LPA: variants seen among roughly 807,000 people sequenced by gnomAD.
The protein encoded by LPA is apolipoprotein(a).
LPA carries 199 observed loss-of-function variants against 197.9 expected under a neutral mutation model. The observed-to-expected ratio is 1.01, with a 90% CI of 0.90 to 1.13. LPA has a LOEUF of 1.13. LPA is among the 50% of genes most tolerant of loss of function. The pLI, the probability that LPA is intolerant of heterozygous loss-of-function variation, is 0.00. For missense variants in LPA, 1,853 were observed against 1,785.8 expected (o/e 1.04, Z -0.68); for synonymous variants, 715 against 639.5 (o/e 1.12, Z -1.78).
chr6:160,540,262 TCCCTCTGACA>T, intron 35 of LPA, 79 bp from the exon 36 acceptor site: 1 of 1,553,090 alleles, frequency 6.4e-7, no homozygotes, highest in Non-Finnish European at 8.9e-7. Context: ...CTTGGCGCTG[TCCCTCTGACA>T]CCCTCGGCCA....
At chr6:160,569,407 G>T (rs1342754726) in intron 28 of LPA, among the ~76,000 whole-genome samples, 1 of 151,966 alleles carries the variant, frequency 6.6e-6, no homozygotes, top group African/African-American at 2.4e-5. Flanking sequence ...AATACATGGT[G>T]CTGGGAAAAC....
rs544287476 is a variant in LPA, at chr6:160,647,179, A to G, written c.210-784T>C. 2.0e-5 allele frequency among the ~76,000 whole-genome samples: 3 copies of G among 152,320 alleles called. No individual in the cohort carries two copies. The East Asian group carries it at 5.8e-4, about 29-fold the overall frequency. On this transcript the variant is annotated intron_variant, in intron 2 of 38. Coordinates refer to ENST00000316300, the MANE Select transcript of LPA (RefSeq NM_005577.4). ...CTCCAGAACTGGGGGATGAGTTGAA[A>G]GAACAGTGGGTCCCATGGCATAAAG...
intron 30 of LPA, among the ~76,000 whole-genome samples, chr6:160,550,382 G>C (rs565332371): frequency 6.6e-6 from 1 of 152,296 alleles, no homozygotes; most frequent in East Asian, 1.9e-4. Context: ...ATTATGTACC[G>C]TGGGAATGCA....
chr6:160,599,255 A>G (rs1337737452), intron 20 of LPA, among the ~76,000 whole-genome samples: 2 of 152,294 alleles, frequency 1.3e-5, no homozygotes, highest in Non-Finnish European at 1.5e-5. Flanking sequence ...AAGCAGGAGA[A>G]TGGTGTGAAC....
chr6:160,578,785 A>G, intron 26 of LPA, 81 bp from the exon 27 acceptor site: 2 of 1,601,154 alleles, frequency 1.2e-6, no homozygotes, highest in Non-Finnish European at 1.7e-6. Flanking sequence ...TTTTGCTGTA[A>G]CAAAGTGTTA....
intron 28 of LPA, among the ~76,000 whole-genome samples, chr6:160,572,803 C>T (rs1175821253): frequency 6.6e-6 from 1 of 152,206 alleles, no homozygotes; most frequent in Non-Finnish European, 1.5e-5. Flanking sequence ...TTCCTTTATA[C>T]ATTACCTGGT....
chr6:160,584,229 T>G (rs1778857348), intron 26 of LPA, among the ~76,000 whole-genome samples: 1 of 94,088 alleles, frequency 1.1e-5, no homozygotes, highest in African/African-American at 3.6e-5. Context: ...TTCTTCTTCT[T>G]CTTCTTCTTC....
At position 160,652,991 on chromosome 6, in the gene LPA, G is replaced by A. The variant is rs907852058; in HGVS notation, c.50-2494C>T. On this transcript the variant is annotated intron_variant, in intron 1 of 38. Coordinates refer to ENST00000316300, the MANE Select transcript of LPA (RefSeq NM_005577.4). ...GAAAAAAGGAACAAAGTTTAAATGG[G>A]ACAAAGAGAAATAACCAACTTAATG... Among the ~76,000 whole-genome samples the A allele has an allele frequency of 2.6e-5, 4 of 151,910 alleles. No individual in the cohort carries two copies. The South Asian group carries it at 8.3e-4, about 32-fold the overall frequency.
At chr6:160,601,939 G>C (rs1779249310) in intron 18 of LPA, among the ~76,000 whole-genome samples, 1 of 152,222 alleles carries the variant, frequency 6.6e-6, no homozygotes, top group Admixed American at 6.5e-5. Flanking sequence ...GAGGTCTGAA[G>C]AGGTCGGGCA....
rs367988873 is a variant in LPA at position 160,548,575 on chromosome 6, C to T, written c.5058G>A (p.Glu1686=). The change falls in exon 31 of 39, where the codon GAG becomes GAA. Residue 1686 remains glutamate (E), a synonymous_variant. Transcript: ENST00000316300. ...CFTMDPSIRW[E]YCNLTRCSDT... is the part of the protein sequence containing the mutation. ...CTGAGCATCGCGTCAGGTTGCAGTA[C>T]TCCCACCTGATGCTGGGGTCCATGG... The T allele has an allele frequency of 2.5e-6, 4 of 1,614,130 alleles. No homozygotes were observed. Among genetic ancestry groups the T allele is most frequent in the Admixed American group, 3.3e-5 (2 of 60,028 alleles).
At chr6:160,542,846 C>G (rs770351354) in intron 33 of LPA, 38 bp from the exon 34 acceptor site, 18 of 1,613,146 alleles carry the variant, frequency 1.1e-5, no homozygotes, top group Non-Finnish European at 1.4e-5. Context: ...GCATTTGAGT[C>G]CAAGTTAGCA....
At chr6:160,653,940 T>A (rs1446974897) in intron 1 of LPA, among the ~76,000 whole-genome samples, 8 of 28,434 alleles carry the variant, frequency 2.8e-4, no homozygotes, top group Middle Eastern at 7.5e-3. Flanking sequence ...ATATATATAT[T>A]TTATATATAT....
chr6:160,574,126 A>G (rs1778612086), intron 28 of LPA, among the ~76,000 whole-genome samples: 1 of 151,986 alleles, frequency 6.6e-6, no homozygotes, highest in East Asian at 1.9e-4. Flanking sequence ...TTGTGTACCT[A>G]GGAGGATTAT....
chr6:160,548,420 C>T (rs527926286), intron 31 of LPA, 58 bp downstream of exon 31: 64 of 1,564,162 alleles, frequency 4.1e-5, no homozygotes, highest in African/African-American at 1.9e-4. Flanking sequence ...CTTTTCATCC[C>T]GTTGTCCAAG....
intron 28 of LPA, among the ~76,000 whole-genome samples, chr6:160,576,690 G>GTGTATATA (rs869225354): frequency 0.01 from 792 of 76,458 alleles, 5 homozygotes; most frequent in Non-Finnish European, 0.015. Context: ...GTGTGTGTGT[G>GTGTATATA]TATATATATA....
intron 28 of LPA, among the ~76,000 whole-genome samples, chr6:160,573,070 A>G (rs1476018064): frequency 6.6e-6 from 1 of 152,054 alleles, no homozygotes; most frequent in Non-Finnish European, 1.5e-5. Context: ...AGCCACGATT[A>G]TTCTTATATT....
chr6:160,636,937 GT>G (rs1351810358), intron 6 of LPA, among the ~76,000 whole-genome samples: 6 of 47,432 alleles, frequency 1.3e-4, no homozygotes, highest in African/African-American at 4.7e-4. Flanking sequence ...ACAGTTTCCG[GT>G]TTCTTTCTTT....
At chr6:160,587,212 TG>T (rs1260041072) in intron 24 of LPA, among the ~76,000 whole-genome samples, 4 of 152,354 alleles carry the variant, frequency 2.6e-5, no homozygotes, top group Non-Finnish European at 5.9e-5. Context: ...ATGATGGTGA[TG>T]GATATGCTCC....
rs1562354509 is a variant in LPA at position 160,653,982 on chromosome 6, ATATAT to A, written c.50-3490_50-3486del. Among the ~76,000 whole-genome samples the A allele has an allele frequency of 3.4e-4, 4 of 11,612 alleles. 1 individual carries two copies. The highest frequency in any genetic ancestry group is 1.2e-3 in the African/African-American group (4 of 3,396). 7.6% of individuals were successfully genotyped at this position (11,612 alleles called of 152,430 possible). Reference sequence around the variant, plus strand: ...TAATATATATTATATATAATATATAATATATAATATATATTATATATAATATATAT... The same window carrying A: ...TAATATATATTATATATAATATATAAAATATATATTATATATAATATATAT... On this transcript the variant is annotated intron_variant, in intron 1 of 38. Coordinates refer to ENST00000316300, the MANE Select transcript of LPA (RefSeq NM_005577.4).
Sources: allele counts gnomAD v4.1 joint callset (sites outside exome capture counted in the v4.1 genomes callset), GRCh38; gene constraint gnomAD v4.1.1; transcripts MANE v1.5; gene names NCBI Gene and HGNC (gene_info 2026-07-23, HGNC 2026-07-21).